The following ADGRB2 variants were observed in gnomAD, a reference collection of about 807,000 sequenced individuals.
The protein encoded by ADGRB2 is brain-specific angiogenesis inhibitor 2.
In ADGRB2, 47 loss-of-function variants were observed where a neutral mutation model predicts 178.7. The observed-to-expected ratio is 0.26, with a 90% confidence interval of 0.21 to 0.34. The LOEUF is 0.34. Among genes scored for constraint, ADGRB2 ranks in the 10% least tolerant of loss-of-function variants. The pLI is 1.00. For synonymous variants in ADGRB2, 870 were observed against 912.4 expected, an observed-to-expected ratio of 0.95 and a Z score of 0.84; for missense variants, 1,584 against 2,180.8, an observed-to-expected ratio of 0.73 and a Z score of 5.45.
At position 31,741,819 on chromosome 1, in the gene ADGRB2, A is replaced by G. The variant is rs1645987328; in HGVS notation, c.1566T>C (p.Cys522=). The change falls in exon 9 of 33, where the codon TGT becomes TGC. Residue 522 remains cysteine, a synonymous_variant. Coordinates refer to ENST00000373658, the MANE Select transcript of ADGRB2 (RefSeq NM_001364857.2). This position sits in a 1 kb window ranked among gnomAD's most constrained non-coding sequence, Gnocchi z 6.5. ...CEGTGEEVKP[C]SEKRCPAFHE... is the part of the protein sequence containing the mutation. ...CAGTACCTGGACACCTCTTCTCACT[A>G]CAAGGCTTCACCTCCTCTCCGGTGC... is the stretch of plus-strand genomic sequence containing the variant. 1 of 1,595,518 alleles carries G rather than the reference A, an allele frequency of 6.3e-7. No individual in the cohort carries two copies. Among genetic ancestry groups the G allele is most frequent in the African/African-American group, 1.3e-5 (1 of 74,496 alleles).
Position 31,740,892 on chromosome 1 carries a change from C to G in ADGRB2, c.1795-351G>C, listed in dbSNP as rs978152109. On this transcript the variant is annotated intron_variant, in intron 11 of 32. Coordinates refer to ENST00000373658, the MANE Select transcript of ADGRB2 (RefSeq NM_001364857.2). The surrounding 1 kb of genome is among the most constrained non-coding windows in gnomAD (Gnocchi z 5.9). ...TGTAATGAGCATGTGTGTGGGCGCG[C>G]GCGCACACACACACACACACACACA... 3.5e-5 allele frequency among the ~76,000 whole-genome samples: 3 copies of G among 85,626 alleles called. No homozygotes were observed. The highest frequency in any genetic ancestry group is 2.4e-4 in the Admixed American group (2 of 8,202). 56.2% of individuals were successfully genotyped at this position (85,626 alleles called of 152,430 possible).
chr1:31,760,807 T>C (rs1191021372), intron 1 of ADGRB2: 1 of 152,016 alleles, frequency 6.6e-6, no homozygotes, highest in African/African-American at 2.4e-5. Flanking sequence ...CAGGAGCCGC[T>C]CTCCTAGAGC....
At chr1:31,732,210 G>C in intron 27 of ADGRB2, 56 bp from the exon 28 acceptor site, 1 of 1,608,384 alleles carries the variant, frequency 6.2e-7, no homozygotes, top group Admixed American at 1.7e-5. Flanking sequence ...GTATCAGGGT[G>C]GGAGGAGGCT....
chr1:31,744,176 G>A lies in ADGRB2; in HGVS notation c.1087+17C>T, dbSNP rs1211304005. 13 of 1,511,086 alleles carry A rather than the reference G, an allele frequency of 8.6e-6. No homozygotes were observed. Among genetic ancestry groups the A allele is most frequent in the South Asian group, 1.2e-5 (1 of 81,120 alleles). 93.6% of individuals were successfully genotyped at this position (1,511,086 alleles called of 1,614,324 possible). On this transcript the variant is annotated intron_variant, in intron 6 of 32. Coordinates refer to ENST00000373658, the MANE Select transcript of ADGRB2 (RefSeq NM_001364857.2). The surrounding 1 kb of genome is among the most constrained non-coding windows in gnomAD (Gnocchi z 6.7). ...TAACCCTGCAGGCAGGTGGGGTGGG[G>A]AGGAGGATGGGCCTACCTGGGCAGG...
chr1:31,756,584 G>C lies in ADGRB2; in HGVS notation c.253C>G (p.Arg85Gly), dbSNP rs1273238867. Residue 85 changes from arginine (R) to glycine (G), a missense_variant, in exon 4 of 33, where the codon CGC becomes GGC. Physicochemically the swap from Arg to Gly is moderately radical, Grantham distance 125. Transcript: ENST00000373658. This position sits in a 1 kb window ranked among gnomAD's most constrained non-coding sequence, Gnocchi z 8.5. ...TKYSLYLRFNRQEQVCAHFAP... is the reference protein window; with the variant it reads ...TKYSLYLRFNGQEQVCAHFAP... ...AAGTGTGCGCACACCTGCTCCTGGC[G>C]GTTGAAGCGCAGGTAGAGGGAGTAC... 6.2e-7 allele frequency: 1 copy of C among 1,610,216 alleles called. No individual in the cohort carries two copies. Among genetic ancestry groups the C allele is most frequent in the Non-Finnish European group, 8.5e-7 (1 of 1,177,762 alleles).
At position 31,729,172 on chromosome 1, in the gene ADGRB2, T is replaced by G. The variant is rs539327719; in HGVS notation, c.4381-539A>C. Among the ~76,000 whole-genome samples, 9 of 152,236 alleles carry G rather than the reference T, an allele frequency of 5.9e-5. No homozygotes were observed. In the South Asian group the frequency reaches 1.9e-3, roughly 32 times the overall value. ...GACCACTTTCAAGGCCCCAGTAAGCTGTACTGTACCCAGTGCTACTCAAGA... is the reference window on the plus strand; with the variant it reads ...GACCACTTTCAAGGCCCCAGTAAGCGGTACTGTACCCAGTGCTACTCAAGA... On this transcript the variant is annotated intron_variant, in intron 29 of 32. Coordinates refer to ENST00000373658, the MANE Select transcript of ADGRB2 (RefSeq NM_001364857.2).
intron 4 of ADGRB2, among the ~76,000 whole-genome samples, chr1:31,749,310 C>T (rs1389495607): frequency 6.6e-6 from 1 of 152,216 alleles, no homozygotes; most frequent in Non-Finnish European, 1.5e-5. Context: ...GTGTGAAACT[C>T]TGAGCCTGGC....
chr1:31,762,307 C>A (rs543300088), intron 1 of ADGRB2, among the ~76,000 whole-genome samples: 3 of 152,260 alleles, frequency 2.0e-5, no homozygotes, highest in South Asian at 2.1e-4. Flanking sequence ...ACATATCCTG[C>A]GCAGAGTCCA....
chr1:31,739,347 A>G lies in ADGRB2; in HGVS notation c.2456T>C (p.Val819Ala), dbSNP rs1457306013. The change falls in exon 15 of 33, where the codon GTA (valine) becomes GCA (alanine). Residue 819 changes from valine to alanine, a missense_variant. Coordinates refer to ENST00000373658, the MANE Select transcript of ADGRB2 (RefSeq NM_001364857.2). ...GATGAGGCCAAGGGTGCGGTAGAGT[A>G]CAGCACCGATCACAAAGTAGGAGGA... is the stretch of plus-strand genomic sequence containing the variant. ...DESSYFVIGA[V>A]LYRTLGLILP... The G allele has an allele frequency of 1.3e-6, 2 of 1,492,574 alleles. No homozygotes were observed. The highest frequency in any genetic ancestry group is 1.8e-6 in the Non-Finnish European group (2 of 1,118,920). 92.5% of individuals were successfully genotyped at this position (1,492,574 alleles called of 1,614,324 possible).
chr1:31,731,446 G>T, intron 28 of ADGRB2, 27 bp from the exon 29 acceptor site: 1 of 1,557,504 alleles, frequency 6.4e-7, no homozygotes, highest in Non-Finnish European at 8.7e-7. Flanking sequence ...GAGGGAGGGG[G>T]TGAGTCCTGA....
chr1:31,763,980 C>CGAGGAGCCGCGGGAGA lies in ADGRB2; in HGVS notation c.-288_-287insTCTCCCGCGGCTCCTC. ...CCTAAGTCGGGGACCGGGCCGGGCGCAGGGTAGGTAGCTGCAGCCGCGCGG... is the reference window on the plus strand; with the variant it reads ...CCTAAGTCGGGGACCGGGCCGGGCGCGAGGAGCCGCGGGAGAAGGGTAGGTAGCTGCAGCCGCGCGG... On this transcript the variant is annotated 5_prime_UTR_variant, in exon 1 of 33. Coordinates refer to ENST00000373658, the MANE Select transcript of ADGRB2 (RefSeq NM_001364857.2). 1.0e-6 allele frequency: 1 copy of CGAGGAGCCGCGGGAGA among 982,364 alleles called. No homozygotes were observed. Among genetic ancestry groups the CGAGGAGCCGCGGGAGA allele is most frequent in the Non-Finnish European group, 1.2e-6 (1 of 829,258 alleles). 60.9% of individuals were successfully genotyped at this position (982,364 alleles called of 1,614,324 possible). A position where few individuals can be genotyped will look rare whatever the true frequency, so the allele number is the denominator to read the frequency against.
Position 31,742,866 on chromosome 1 carries a change from A to T in ADGRB2, c.1224T>A (p.Thr408=). ...GKACEGPELQ[T]KLCSMAACPV... is the part of the protein sequence containing the mutation. ...GGCAGGCAGCCATACTGCAGAGCTT[A>T]GTCTGCAGCTCAGGACCCTCGCAGG... The change falls in exon 7 of 33, where the codon ACT becomes ACA. Residue 408 remains threonine, a synonymous_variant. Transcript: ENST00000373658. 6.6e-7 allele frequency: 1 copy of T among 1,524,764 alleles called. No individual in the cohort carries two copies. Among genetic ancestry groups the T allele is most frequent in the East Asian group, 2.6e-5 (1 of 38,982 alleles). 94.5% of individuals were successfully genotyped at this position (1,524,764 alleles called of 1,614,324 possible). A position where few individuals can be genotyped will look rare whatever the true frequency, so the allele number is the denominator to read the frequency against.
rs760607984 is a variant in ADGRB2, at chr1:31,727,557, G to A, written c.4621C>T (p.His1541Tyr). ...ERPSLSQHRR[H>Y]QSWSTFKSMT... ...GATTTGAAGGTGCTCCAGCTCTGATGGCGCCGATGTTGGGACAAGCTGGGG... is the reference window on the plus strand; with the variant it reads ...GATTTGAAGGTGCTCCAGCTCTGATAGCGCCGATGTTGGGACAAGCTGGGG... Residue 1541 changes from histidine (H) to tyrosine (Y), a missense_variant, in exon 33 of 33, where the codon CAT becomes TAT. His to Tyr is a moderately conservative substitution (Grantham distance 83, BLOSUM62 2). Transcript: ENST00000373658. The surrounding 1 kb of genome is among the most constrained non-coding windows in gnomAD (Gnocchi z 4.4). The A allele has an allele frequency of 6.3e-7, 1 of 1,579,260 alleles. No individual in the cohort carries two copies. Among genetic ancestry groups the A allele is most frequent in the Non-Finnish European group, 8.6e-7 (1 of 1,168,802 alleles).
At position 31,763,933 on chromosome 1, in the gene ADGRB2, C is replaced by T; in HGVS notation, c.-240G>A. 1 of 985,532 alleles carries T rather than the reference C, an allele frequency of 1.0e-6. No individual in the cohort carries two copies. The highest frequency in any genetic ancestry group is 1.2e-6 in the Non-Finnish European group (1 of 830,058). 61.0% of individuals were successfully genotyped at this position (985,532 alleles called of 1,614,324 possible). On this transcript the variant is annotated 5_prime_UTR_variant, in exon 1 of 33. Transcript: ENST00000373658. ...GGGGGCCGGCGCTGGCGGGGGCGGC[C>T]ACGGGGCGCAAGTTTGCCATCCCTA...
Position 31,737,541 on chromosome 1 carries a change from C to A in ADGRB2, c.2877-10G>T, listed in dbSNP as rs750074164. The A allele has an allele frequency of 8.7e-6, 14 of 1,613,414 alleles. No individual in the cohort carries two copies. Among genetic ancestry groups the A allele is most frequent in the Non-Finnish European group, 1.2e-5 (14 of 1,179,438 alleles). ...TTCAGATTTTATGAACCTGCCGGGG[C>A]ACAGCAGGCAGGGACAGAGGCGCTG... is the stretch of plus-strand genomic sequence containing the variant. On this transcript the variant is annotated splice_polypyrimidine_tract_variant and intron_variant, in intron 19 of 32. Transcript: ENST00000373658.
At position 31,744,067 on chromosome 1, in the gene ADGRB2, T is replaced by C. The variant is rs533170389; in HGVS notation, c.1087+126A>G. 39 of 1,254,804 alleles carry C rather than the reference T, an allele frequency of 3.1e-5. No homozygotes were observed. Among genetic ancestry groups the C allele is most frequent in the Admixed American group, 3.0e-5 (1 of 33,788 alleles). 77.7% of individuals were successfully genotyped at this position (1,254,804 alleles called of 1,614,324 possible). ...ATGGTACGCAGAGTTGGGCATGGTG[T>C]GGGGAACAGCCACATTTGTTGAATG... On this transcript the variant is annotated intron_variant, in intron 6 of 32. Coordinates refer to ENST00000373658, the MANE Select transcript of ADGRB2 (RefSeq NM_001364857.2). The surrounding 1 kb of genome is among the most constrained non-coding windows in gnomAD (Gnocchi z 6.7).
In ADGRB2 at chr1:31,741,472, G is replaced by C. The variant is rs781381179; in HGVS notation, c.1695C>G (p.Ala565=). 4.8e-5 allele frequency: 77 copies of C among 1,590,406 alleles called. No individual in the cohort carries two copies. Among genetic ancestry groups the C allele is most frequent in the Middle Eastern group, 1.7e-4 (1 of 6,032 alleles). The change falls in exon 11 of 33, where the codon GCC becomes GCG. Residue 565 remains alanine, a synonymous_variant. Transcript: ENST00000373658. The surrounding 1 kb of genome is among the most constrained non-coding windows in gnomAD (Gnocchi z 6.5). ...NKCPPNASGS[A]SRRCLLSAQG... ...GGGCACTGAGGAGACAGCGGCGGCT[G>C]GCAGACCCTGCAGGGCAATAGGACA...
At position 31,728,238 on chromosome 1, in the gene ADGRB2, C is replaced by T. The variant is rs1221848989; in HGVS notation, c.4459G>A (p.Glu1487Lys). The T allele has an allele frequency of 8.7e-6, 14 of 1,614,018 alleles. No individual in the cohort carries two copies. Among genetic ancestry groups the T allele is most frequent in the African/African-American group, 4.0e-5 (3 of 74,920 alleles). ...TRKRHSELYH[E>K]LNQKFHTFDR... ...AAAGTGTGGAACTTCTGGTTGAGCT[C>T]GTGGTAGAGTTCTGAATGCCGTTTC... is the stretch of plus-strand genomic sequence containing the variant. The change falls in exon 31 of 33, where the codon GAG becomes AAG. Residue 1487 changes from glutamate to lysine, a missense_variant. Physicochemically the swap from Glu to Lys is moderately conservative, Grantham distance 56. Transcript: ENST00000373658. This position sits in a 1 kb window ranked among gnomAD's most constrained non-coding sequence, Gnocchi z 6.7.
rs1326094037 is a variant in ADGRB2, at chr1:31,733,889, T to C, written c.3453-746A>G. Among the ~76,000 whole-genome samples, 1 of 152,118 alleles carries C rather than the reference T, an allele frequency of 6.6e-6. No homozygotes were observed. Among genetic ancestry groups the C allele is most frequent in the African/African-American group, 2.4e-5 (1 of 41,416 alleles). Reference sequence around the variant, plus strand: ...ATTCCCACCCCTCCCTAACCTGCTATAGCACATGAGGGACAGCCAGGCCAC... The same window carrying C: ...ATTCCCACCCCTCCCTAACCTGCTACAGCACATGAGGGACAGCCAGGCCAC... On this transcript the variant is annotated intron_variant, in intron 25 of 32. Transcript: ENST00000373658. This position sits in a 1 kb window ranked among gnomAD's most constrained non-coding sequence, Gnocchi z 4.3.
Sources: allele counts gnomAD v4.1 joint callset (sites outside exome capture counted in the v4.1 genomes callset), GRCh38; gene constraint gnomAD v4.1.1; non-coding constraint Gnocchi (gnomAD v3.1); transcripts MANE v1.5; gene names NCBI Gene and HGNC (gene_info 2026-07-23, HGNC 2026-07-21).